The following KSR2 variants were observed in gnomAD, a reference collection of about 807,000 sequenced individuals.
KSR2 encodes the protein kinase suppressor of ras 2.
KSR2 carries 25 observed loss-of-function variants against 107.8 expected under a neutral mutation model. That is an observed-to-expected ratio of 0.23 (90% CI 0.17 to 0.32). The LOEUF (loss-of-function observed/expected upper bound fraction) is 0.32. KSR2 is among the 10% of genes least tolerant of loss of function. The pLI, the probability that KSR2 is intolerant of heterozygous loss-of-function variation, is 1.00. For missense variants in KSR2, 887 were observed against 1,268.9 expected, an observed-to-expected ratio of 0.70 and a Z score of 4.57; for synonymous variants, 480 against 507.0, an observed-to-expected ratio of 0.95 and a Z score of 0.71.
chr12:117,540,062 C>T (rs1393399065), intron 9 of KSR2, among the ~76,000 whole-genome samples, 175 bp from the exon 10 acceptor site: 2 of 152,098 alleles, frequency 1.3e-5, no homozygotes, highest in Non-Finnish European at 2.9e-5. Context: ...CATTGGGCTG[C>T]ATCCAGCTGT....
At chr12:117,576,663 A>T (rs916084979) in intron 7 of KSR2, among the ~76,000 whole-genome samples, 1 of 148,196 alleles carries the variant, frequency 6.7e-6, no homozygotes, top group Non-Finnish European at 1.5e-5. Context: ...CTCCTGGCTA[A>T]TTTTTTACCT....
intron 1 of KSR2, among the ~76,000 whole-genome samples, chr12:117,942,639 C>T (rs1380857192): frequency 6.6e-6 from 1 of 151,246 alleles, no homozygotes; most frequent in Non-Finnish European, 1.5e-5. Context: ...CAGGTGCATG[C>T]CATCACACCT....
intron 5 of KSR2, among the ~76,000 whole-genome samples, chr12:117,641,814 G>T (rs966692589): frequency 5.9e-5 from 9 of 152,082 alleles, no homozygotes; most frequent in Non-Finnish European, 1.3e-4. Context: ...AGCACCTGAG[G>T]CGAAGGCTTG....
chr12:117,706,194 C>T (rs1886525576), intron 4 of KSR2, among the ~76,000 whole-genome samples: 1 of 151,628 alleles, frequency 6.6e-6, no homozygotes. Flanking sequence ...CAGGTGCATG[C>T]CACCACACCC....
intron 5 of KSR2, among the ~76,000 whole-genome samples, chr12:117,606,014 A>C (rs1565922642): frequency 6.6e-6 from 1 of 152,158 alleles, no homozygotes; most frequent in Non-Finnish European, 1.5e-5. Flanking sequence ...AGATTCACCC[A>C]TAAAAGGAAG....
At chr12:117,506,857 GTA>G (rs1234628541) in intron 14 of KSR2, among the ~76,000 whole-genome samples, 3 of 151,914 alleles carry the variant, frequency 2.0e-5, no homozygotes, top group Admixed American at 1.3e-4. Context: ...GTGTGTGTGT[GTA>G]TATATATGTA....
At chr12:117,499,654 C>T (rs140135653) in intron 14 of KSR2, among the ~76,000 whole-genome samples, 1 of 152,320 alleles carries the variant, frequency 6.6e-6, no homozygotes, top group African/African-American at 2.4e-5. Context: ...CACTCTGGTC[C>T]TCTTTGGAAG....
chr12:117,495,036 T>A (rs1290284071), intron 14 of KSR2, among the ~76,000 whole-genome samples: 2 of 152,172 alleles, frequency 1.3e-5, no homozygotes, highest in African/African-American at 2.4e-5. Context: ...ATAAAAGACA[T>A]AGATAGCTGG....
At chr12:117,955,950 T>C (rs1017020195) in intron 1 of KSR2, among the ~76,000 whole-genome samples, 1 of 151,774 alleles carries the variant, frequency 6.6e-6, no homozygotes, top group Middle Eastern at 3.2e-3. Context: ...AACATGTCAA[T>C]ATAAAAATTA....
intron 3 of KSR2, among the ~76,000 whole-genome samples, chr12:117,777,105 T>TATATATATATAC (rs1889716206): frequency 7.2e-6 from 1 of 138,060 alleles, no homozygotes; most frequent in African/African-American, 2.8e-5. Context: ...TATATATATA[T>TATATATATATAC]ATACACACAC....
chr12:117,587,861 G>C (rs368877935), intron 5 of KSR2, among the ~76,000 whole-genome samples: 143 of 152,300 alleles, frequency 9.4e-4, no homozygotes, highest in African/African-American at 3.2e-3. Flanking sequence ...GCATTTAAGA[G>C]CTCCCTCTGG....
At chr12:117,779,484 C>A (rs183068827) in intron 3 of KSR2, among the ~76,000 whole-genome samples, 1 of 152,142 alleles carries the variant, frequency 6.6e-6, no homozygotes, top group South Asian at 2.1e-4. Context: ...AAAAACCAAG[C>A]AAGCAGTGGG....
In KSR2 at chr12:117,628,402, T is replaced by A. The variant is rs562603193; in HGVS notation, c.1171+39072A>T. Among the ~76,000 whole-genome samples the A allele has an allele frequency of 4.6e-5, 7 of 152,162 alleles. No individual in the cohort carries two copies. The South Asian group carries it at 1.5e-3, about 32-fold the overall frequency. ...GTTTTGGTGTAGATGACCTTTTTGTTGATGTTTATGCTATTCCTTTCTGTT... is the reference window on the plus strand; with the variant it reads ...GTTTTGGTGTAGATGACCTTTTTGTAGATGTTTATGCTATTCCTTTCTGTT... On this transcript the variant is annotated intron_variant, in intron 5 of 19. Transcript: ENST00000339824.
intron 1 of KSR2, among the ~76,000 whole-genome samples, chr12:117,902,557 T>C (rs1441004316): frequency 6.8e-6 from 1 of 147,588 alleles, no homozygotes; most frequent in Non-Finnish European, 1.5e-5. Flanking sequence ...CCACCTTCAG[T>C]ACAGATGTCA....
At chr12:117,860,014 A>G (rs892854996) in intron 2 of KSR2, among the ~76,000 whole-genome samples, 1 of 152,254 alleles carries the variant, frequency 6.6e-6, no homozygotes, top group Admixed American at 6.5e-5. Context: ...TCCACTGGAC[A>G]GCGCTGGACT....
At chr12:117,570,595 G>A (rs1178559211) in intron 7 of KSR2, among the ~76,000 whole-genome samples, 1 of 152,226 alleles carries the variant, frequency 6.6e-6, no homozygotes, top group Non-Finnish European at 1.5e-5. Context: ...TCAACCCATG[G>A]AAGCGATTTA....
At chr12:117,733,939 A>G (rs1301307881) in intron 4 of KSR2, among the ~76,000 whole-genome samples, 3 of 152,170 alleles carry the variant, frequency 2.0e-5, no homozygotes, top group Admixed American at 6.5e-5. Flanking sequence ...GGAAAGCCCA[A>G]TGATGTCACT....
At chr12:117,532,202 T>G (rs1020311302) in intron 10 of KSR2, among the ~76,000 whole-genome samples, 18 of 152,344 alleles carry the variant, frequency 1.2e-4, no homozygotes, top group Non-Finnish European at 2.2e-4. Context: ...CACAAATGTA[T>G]CCTCCTACAG....
At chr12:117,625,903 A>G (rs1882483163) in intron 5 of KSR2, among the ~76,000 whole-genome samples, 1 of 152,146 alleles carries the variant, frequency 6.6e-6, no homozygotes, top group Non-Finnish European at 1.5e-5. Flanking sequence ...CTATTCAGAG[A>G]TTCAATTTCT....
Sources: gnomAD v4.1 joint callset for allele counts (sites outside exome capture counted in the v4.1 genomes callset) on GRCh38, gnomAD v4.1.1 for gene constraint, MANE v1.5 for transcripts, NCBI Gene and HGNC (gene_info 2026-07-23, HGNC 2026-07-21) for gene names.